RABL3: variants seen among roughly 807,000 people sequenced by gnomAD.
RABL3 encodes RAB, member of RAS oncogene family like 3.
In RABL3, 31 loss-of-function variants were observed where a neutral mutation model predicts 31.8. The ratio of observed to expected loss-of-function variants is 0.97; its 90% CI spans 0.73 to 1.31. The LOEUF (loss-of-function observed/expected upper bound fraction) is 1.31. Ranked by LOEUF, RABL3 falls within the 40% of genes most tolerant of loss-of-function variation. The pLI is 0.00. For missense variants in RABL3, 263 were observed against 279.6 expected (o/e 0.94, Z 0.42); for synonymous variants, 97 against 99.9 (o/e 0.97, Z 0.18).
intron 4 of RABL3, among the ~76,000 whole-genome samples, chr3:120,704,345 G>A (rs1216124990): frequency 2.0e-5 from 3 of 152,128 alleles, no homozygotes; most frequent in African/African-American, 7.2e-5. Context: ...ATGCAGAAAA[G>A]GCTTTTGACA....
chr3:120,694,961 GTTT>G (rs11405676), intron 5 of RABL3, among the ~76,000 whole-genome samples: 1 of 133,030 alleles, frequency 7.5e-6, no homozygotes, highest in Non-Finnish European at 1.6e-5. Context: ...CAGTCTAGCT[GTTT>G]TTTTTTTTTT....
At chr3:120,699,606 C>T (rs1046511911) in intron 4 of RABL3, among the ~76,000 whole-genome samples, 1 of 152,132 alleles carries the variant, frequency 6.6e-6, no homozygotes, top group Non-Finnish European at 1.5e-5. Context: ...ACAACCCAGT[C>T]GAGCATAGCT....
chr3:120,735,233 G>A (rs1447673325), intron 1 of RABL3, among the ~76,000 whole-genome samples: 2 of 152,126 alleles, frequency 1.3e-5, no homozygotes, highest in African/African-American at 2.4e-5. Flanking sequence ...CCTGTTATTG[G>A]TCTATTCAGA....
intron 2 of RABL3, among the ~76,000 whole-genome samples, chr3:120,729,634 C>T (rs1708859796): frequency 6.6e-6 from 1 of 151,862 alleles, no homozygotes; most frequent in Non-Finnish European, 1.5e-5. Context: ...AAAGGAACAT[C>T]TAGAAATTAA....
In RABL3 at chr3:120,685,066, G is replaced by A. The variant is rs917970601; in HGVS notation, c.*4757C>T. Among the ~76,000 whole-genome samples the A allele has an allele frequency of 1.3e-5, 2 of 152,206 alleles. No individual in the cohort carries two copies. Among genetic ancestry groups the A allele is most frequent in the Non-Finnish European group, 2.9e-5 (2 of 68,030 alleles). Reference sequence around the variant, plus strand: ...ACAGGAAAGAGCCCAGGGATCTAGGGGAAGCACTAGTGGGCACGTAGCCCA... The same window carrying A: ...ACAGGAAAGAGCCCAGGGATCTAGGAGAAGCACTAGTGGGCACGTAGCCCA... On this transcript the variant is annotated 3_prime_UTR_variant, in exon 8 of 8. Coordinates refer to ENST00000273375, the MANE Select transcript of RABL3 (RefSeq NM_173825.5).
intron 5 of RABL3, among the ~76,000 whole-genome samples, chr3:120,695,382 C>T (rs1708426090): frequency 6.6e-6 from 1 of 152,064 alleles, no homozygotes; most frequent in Non-Finnish European, 1.5e-5. Flanking sequence ...AATATCCATC[C>T]CAACATTTCT....
At chr3:120,715,132 C>T (rs963071011) in intron 2 of RABL3, among the ~76,000 whole-genome samples, 1 of 152,184 alleles carries the variant, frequency 6.6e-6, no homozygotes, top group African/African-American at 2.4e-5. Flanking sequence ...CTTACTTAAG[C>T]CACCCATTCA....
chr3:120,713,185 G>A (rs190775022), intron 2 of RABL3, among the ~76,000 whole-genome samples: 3 of 152,226 alleles, frequency 2.0e-5, no homozygotes, highest in Admixed American at 1.3e-4. Context: ...CACCTTTCAG[G>A]CTATGCATAC....
chr3:120,698,627 G>A, intron 4 of RABL3, 54 bp from the exon 5 acceptor site: 1 of 1,454,540 alleles, frequency 6.9e-7, no homozygotes, highest in Non-Finnish European at 9.4e-7. Context: ...TGGTGTAGAT[G>A]TGTAATATTT....
At chr3:120,740,462 G>A (rs965455286) in intron 1 of RABL3, among the ~76,000 whole-genome samples, 1 of 151,974 alleles carries the variant, frequency 6.6e-6, no homozygotes, top group Non-Finnish European at 1.5e-5. Context: ...AGAGGGTCTT[G>A]CCATGTTGCC....
chr3:120,721,597 G>A (rs1411968937), intron 2 of RABL3, among the ~76,000 whole-genome samples: 1 of 152,132 alleles, frequency 6.6e-6, no homozygotes, highest in Non-Finnish European at 1.5e-5. Flanking sequence ...TTACATAATG[G>A]TAAAGGGATC....
At chr3:120,696,592 A>AACACACACACACACAC (rs3037698) in intron 5 of RABL3, among the ~76,000 whole-genome samples, 1 of 147,466 alleles carries the variant, frequency 6.8e-6, no homozygotes, top group South Asian at 2.2e-4. Flanking sequence ...AAGTAGGAAT[A>AACACACACACACACAC]ACACACACAC....
chr3:120,705,738 A>G (rs1207801952), intron 4 of RABL3, among the ~76,000 whole-genome samples: 1 of 152,230 alleles, frequency 6.6e-6, no homozygotes, highest in Non-Finnish European at 1.5e-5. Flanking sequence ...GGAAAACATA[A>G]GAGAAAACCT....
At position 120,690,432 on chromosome 3, in the gene RABL3, A is replaced by C; in HGVS notation, c.645+17T>G. Reference sequence around the variant, plus strand: ...CAAAATTTAAGAATCTATTTTATCAAGAAAAGAGATACCAACCTGATTACC... The same window carrying C: ...CAAAATTTAAGAATCTATTTTATCACGAAAAGAGATACCAACCTGATTACC... On this transcript the variant is annotated intron_variant, in intron 7 of 7. Transcript: ENST00000273375. The C allele has an allele frequency of 6.6e-7, 1 of 1,524,392 alleles. No homozygotes were observed. The highest frequency in any genetic ancestry group is 9.1e-7 in the Non-Finnish European group (1 of 1,101,138). The allele number at this position is 1,524,392 out of a possible 1,614,324, so 94.4% of individuals were successfully genotyped here. A position where few individuals can be genotyped will look rare whatever the true frequency, so the allele number is the denominator to read the frequency against.
chr3:120,698,692 C>T lies in RABL3; in HGVS notation c.384-119G>A, dbSNP rs1708465013. 4.9e-6 allele frequency: 4 copies of T among 812,788 alleles called. No homozygotes were observed. In the South Asian group the frequency reaches 5.6e-5, roughly 11 times the overall value. The allele number at this position is 812,788 out of a possible 1,614,324, so 50.3% of individuals were successfully genotyped here. On this transcript the variant is annotated intron_variant, in intron 4 of 7. Coordinates refer to ENST00000273375, the MANE Select transcript of RABL3 (RefSeq NM_173825.5). ...AAAATTAACTGATTTTTGCTGCCTT[C>T]ACCTACAAACCTACTTTCCTTCCAA...
At chr3:120,705,309 T>C (rs1708536224) in intron 4 of RABL3, among the ~76,000 whole-genome samples, 1 of 152,192 alleles carries the variant, frequency 6.6e-6, no homozygotes, top group Non-Finnish European at 1.5e-5. Context: ...GACAAGCTGA[T>C]TCTAAAAATT....
chr3:120,737,142 CCT>C (rs1708977833), intron 1 of RABL3, among the ~76,000 whole-genome samples: 1 of 152,196 alleles, frequency 6.6e-6, no homozygotes, highest in Admixed American at 6.5e-5. Flanking sequence ...TTCCATTCTC[CCT>C]GTCACTTTCA....
intron 4 of RABL3, among the ~76,000 whole-genome samples, chr3:120,700,895 A>T (rs956429557): frequency 1.1e-4 from 16 of 152,098 alleles, no homozygotes; most frequent in Admixed American, 2.0e-4. Flanking sequence ...ATAAAAAGTT[A>T]AAAAAAGTTA....
chr3:120,718,764 T>A lies in RABL3; in HGVS notation c.139-8855A>T, dbSNP rs997928249. 4.6e-5 allele frequency among the ~76,000 whole-genome samples: 7 copies of A among 152,226 alleles called. No individual in the cohort carries two copies. In the East Asian group the frequency reaches 1.2e-3, roughly 25 times the overall value. ...ACACAGAAAGATGAAAGTTGAAATA[T>A]GTAAATAAGGTAAACCACACAAACA... On this transcript the variant is annotated intron_variant, in intron 2 of 7. Transcript: ENST00000273375.
Sources: allele counts gnomAD v4.1 joint callset (sites outside exome capture counted in the v4.1 genomes callset), GRCh38; gene constraint gnomAD v4.1.1; transcripts MANE v1.5; gene names NCBI Gene and HGNC (gene_info 2026-07-23, HGNC 2026-07-21).